ERBB4: variants seen among roughly 807,000 people sequenced by gnomAD.
ERBB4 encodes the protein erb-b2 receptor tyrosine kinase 4, also known as receptor tyrosine-protein kinase erbB-4.
ERBB4 carries 42 observed loss-of-function variants against 158.0 expected under a neutral mutation model. That is an observed-to-expected ratio of 0.27 (90% CI 0.21 to 0.34). The LOEUF is 0.34. Ranked by LOEUF, ERBB4 falls within the 10% of genes least tolerant of loss-of-function variation. The probability of loss-of-function intolerance (pLI) is 1.00; values close to 1 mark genes in which losing one functional copy is unlikely to be tolerated. For missense variants in ERBB4, 1,333 were observed against 1,624.1 expected, an observed-to-expected ratio of 0.82 and a Z score of 3.08; for synonymous variants, 583 against 558.7, an observed-to-expected ratio of 1.04 and a Z score of -0.61.
intron 20 of ERBB4, among the ~76,000 whole-genome samples, chr2:211,530,773 C>G (rs1392206091): frequency 6.6e-6 from 1 of 152,036 alleles, no homozygotes; most frequent in African/African-American, 2.4e-5. Context: ...GCTTGTAGTT[C>G]CAGATACTCA....
chr2:212,445,483 T>C (rs893185352), intron 1 of ERBB4, among the ~76,000 whole-genome samples: 2 of 152,162 alleles, frequency 1.3e-5, no homozygotes, highest in African/African-American at 2.4e-5. Context: ...GATTGCCACC[T>C]AGACACTTTA....
At chr2:211,990,675 C>T (rs1258148902) in intron 2 of ERBB4, among the ~76,000 whole-genome samples, 1 of 151,916 alleles carries the variant, frequency 6.6e-6, no homozygotes, top group Non-Finnish European at 1.5e-5. Context: ...GAACAAGCCC[C>T]TTGATTTGCT....
chr2:212,355,082 C>T (rs1293975308), intron 1 of ERBB4, among the ~76,000 whole-genome samples: 1 of 151,924 alleles, frequency 6.6e-6, no homozygotes, highest in Non-Finnish European at 1.5e-5. Context: ...AATAGTTTTA[C>T]AATAAAATGT....
chr2:212,441,029 G>C (rs1169811159), intron 1 of ERBB4, among the ~76,000 whole-genome samples: 1 of 152,148 alleles, frequency 6.6e-6, no homozygotes, highest in South Asian at 2.1e-4. Flanking sequence ...ATGCTATCAT[G>C]TGAGTGGCTG....
intron 3 of ERBB4, among the ~76,000 whole-genome samples, chr2:211,894,018 A>C (rs10469766): frequency 2.8e-4 from 41 of 144,398 alleles, no homozygotes; most frequent in Middle Eastern, 3.5e-3. Context: ...CCTCAGGGAT[A>C]TAGAACTAGA....
chr2:212,149,179 T>A (rs930194947), intron 1 of ERBB4, among the ~76,000 whole-genome samples: 11 of 129,770 alleles, frequency 8.5e-5, no homozygotes, highest in Middle Eastern at 3.8e-3. Context: ...TAAAAAAAAA[T>A]TTTAAAAAAT....
At chr2:211,457,843 C>G (rs924562231) in intron 20 of ERBB4, among the ~76,000 whole-genome samples, 1 of 152,192 alleles carries the variant, frequency 6.6e-6, no homozygotes, top group Non-Finnish European at 1.5e-5. Context: ...ATTACCACAG[C>G]CTTTCATGCA....
At chr2:212,286,806 C>T (rs1334444714) in intron 1 of ERBB4, among the ~76,000 whole-genome samples, 1 of 50,106 alleles carries the variant, frequency 2.0e-5, no homozygotes, top group African/African-American at 8.3e-5. Flanking sequence ...GACGGGATTT[C>T]CGCCATGTTG....
chr2:212,381,369 T>C (rs1379981792), intron 1 of ERBB4, among the ~76,000 whole-genome samples: 3 of 151,376 alleles, frequency 2.0e-5, no homozygotes, highest in Admixed American at 6.6e-5. Flanking sequence ...AATCTAAATG[T>C]AGCCTTTTTC....
At chr2:211,442,550 A>G (rs2064006471) in intron 20 of ERBB4, among the ~76,000 whole-genome samples, 1 of 152,118 alleles carries the variant, frequency 6.6e-6, no homozygotes, top group Non-Finnish European at 1.5e-5. Context: ...TAAAAATGCT[A>G]TATAACAAAT....
chr2:211,435,889 T>A (rs2063841338), intron 20 of ERBB4, among the ~76,000 whole-genome samples: 1 of 152,178 alleles, frequency 6.6e-6, no homozygotes, highest in African/African-American at 2.4e-5. Context: ...CTATCTTCTC[T>A]CTTAATGGGT....
intron 2 of ERBB4, among the ~76,000 whole-genome samples, chr2:212,113,573 C>CAAAAAAAAA (rs35545899): frequency 6.2e-5 from 4 of 64,248 alleles, no homozygotes; most frequent in African/African-American, 1.2e-4. Context: ...GACTCCATCT[C>CAAAAAAAAA]AAAAAAAAAA....
intron 20 of ERBB4, among the ~76,000 whole-genome samples, chr2:211,532,427 C>A (rs1399456326): frequency 3.3e-5 from 5 of 151,742 alleles, no homozygotes; most frequent in African/African-American, 2.4e-5. Context: ...TATGTACCCC[C>A]AAAAATAAAT....
chr2:211,559,749 T>C (rs763966242), intron 20 of ERBB4, among the ~76,000 whole-genome samples: 1 of 152,220 alleles, frequency 6.6e-6, no homozygotes, highest in African/African-American at 2.4e-5. Context: ...CAGGCTCGTA[T>C]CTGCATTGTT....
At chr2:211,706,473 C>CA (rs1355310866) in intron 9 of ERBB4, among the ~76,000 whole-genome samples, 1 of 152,030 alleles carries the variant, frequency 6.6e-6, no homozygotes, top group Admixed American at 6.6e-5. Flanking sequence ...TTCATGCCAG[C>CA]ATTCAAGTCT....
intron 2 of ERBB4, among the ~76,000 whole-genome samples, chr2:212,117,545 T>C (rs1045771705): frequency 4.6e-5 from 7 of 152,186 alleles, no homozygotes; most frequent in African/African-American, 1.7e-4. Flanking sequence ...TTGTTCACCT[T>C]TTGAGTGACA....
At chr2:212,155,826 T>C (rs2125637284) in intron 1 of ERBB4, among the ~76,000 whole-genome samples, 1 of 152,254 alleles carries the variant, frequency 6.6e-6, no homozygotes, top group South Asian at 2.1e-4. Flanking sequence ...ATTATTGACA[T>C]TGATGGCTAC....
At chr2:211,890,470 A>T (rs1400170270) in intron 3 of ERBB4, among the ~76,000 whole-genome samples, 1 of 152,104 alleles carries the variant, frequency 6.6e-6, no homozygotes, top group Non-Finnish European at 1.5e-5. Context: ...TGTACAGACC[A>T]TCGAGACTAG....
chr2:211,968,170 T>G (rs963335471), intron 2 of ERBB4, among the ~76,000 whole-genome samples: 1 of 152,050 alleles, frequency 6.6e-6, no homozygotes, highest in Non-Finnish European at 1.5e-5. Flanking sequence ...TTCTTTCACT[T>G]TTTTCATCTC....
Sources: allele counts gnomAD v4.1 joint callset (sites outside exome capture counted in the v4.1 genomes callset), GRCh38; gene constraint gnomAD v4.1.1; transcripts MANE v1.5; gene names NCBI Gene and HGNC (gene_info 2026-07-23, HGNC 2026-07-21).